DLG1: variants seen among roughly 807,000 people sequenced by gnomAD.
The protein encoded by DLG1 is discs large MAGUK scaffold protein 1.
DLG1 carries 42 observed loss-of-function variants against 123.4 expected under a neutral mutation model. The ratio of observed to expected loss-of-function variants is 0.34; its 90% CI spans 0.27 to 0.44. The LOEUF (loss-of-function observed/expected upper bound fraction) is 0.44, where lower values mean the gene tolerates loss of function less well. Among genes scored for constraint, DLG1 ranks in the 20% least tolerant of loss-of-function variants. The pLI, the probability that DLG1 is intolerant of heterozygous loss-of-function variation, is 1.00. For synonymous variants in DLG1, 317 were observed against 356.2 expected, an observed-to-expected ratio of 0.89 and a Z score of 1.24; for missense variants, 942 against 1,082.6, an observed-to-expected ratio of 0.87 and a Z score of 1.82.
rs750389721 is a variant in DLG1 at position 197,179,659 on chromosome 3, T to C, written c.483+14766A>G. Among the ~76,000 whole-genome samples, 7 of 152,184 alleles carry C rather than the reference T, an allele frequency of 4.6e-5. No individual in the cohort carries two copies. In the East Asian group the frequency reaches 1.3e-3, roughly 29 times the overall value. ...AATGTAGCACTTACTCTGTGTCAGA[T>C]GCTGTCCTAAGTACTTTATTAATAT... On this transcript the variant is annotated intron_variant, in intron 5 of 24. Coordinates refer to ENST00000667157, the MANE Select transcript of DLG1 (RefSeq NM_001366207.1).
intron 3 of DLG1, among the ~76,000 whole-genome samples, chr3:197,286,458 G>C (rs1365507923): frequency 6.6e-6 from 1 of 152,164 alleles, no homozygotes; most frequent in Non-Finnish European, 1.5e-5. Context: ...TTCACGACAG[G>C]GTTCATGCTC....
At chr3:197,120,474 T>C (rs1168092635) in intron 11 of DLG1, among the ~76,000 whole-genome samples, 1 of 152,108 alleles carries the variant, frequency 6.6e-6, no homozygotes, top group Admixed American at 6.5e-5. Context: ...ATTCCAATCA[T>C]TACCAAAACA....
chr3:197,074,635 T>C (rs957007762), intron 18 of DLG1, among the ~76,000 whole-genome samples: 9 of 152,038 alleles, frequency 5.9e-5, no homozygotes, highest in African/African-American at 1.9e-4. Context: ...TCATTGATAA[T>C]TTTCCCCAAA....
At chr3:197,146,132 A>C (rs1244524733) in intron 6 of DLG1, among the ~76,000 whole-genome samples, 3 of 152,144 alleles carry the variant, frequency 2.0e-5, no homozygotes, top group Admixed American at 2.0e-4. Context: ...GAAAACTACA[A>C]AACACTGCTG....
intron 5 of DLG1, among the ~76,000 whole-genome samples, chr3:197,176,197 T>G (rs1350214324): frequency 6.6e-6 from 1 of 152,126 alleles, no homozygotes; most frequent in African/African-American, 2.4e-5. Context: ...ATAGACTTTA[T>G]ATATTTTTTT....
intron 14 of DLG1, among the ~76,000 whole-genome samples, chr3:197,098,907 G>A (rs1217911112): frequency 6.6e-6 from 1 of 152,172 alleles, no homozygotes; most frequent in African/African-American, 2.4e-5. Flanking sequence ...GCATTTTAAA[G>A]TTACTTTTCC....
intron 14 of DLG1, among the ~76,000 whole-genome samples, chr3:197,100,547 G>A (rs1762904291): frequency 6.6e-6 from 1 of 152,052 alleles, no homozygotes. Context: ...TATAATTAAT[G>A]CTTTCTGAAC....
In DLG1 at chr3:197,297,176, A is replaced by G. The variant is rs2151305818; in HGVS notation, c.19+10T>C. On this transcript the variant is annotated intron_variant, in intron 2 of 24. Transcript: ENST00000667157. ...GACATCGACAACAGAGTTACGGAAT[A>G]AACTCTCACCTTGCTTCCGGACCGG... 5 of 1,614,046 alleles carry G rather than the reference A, an allele frequency of 3.1e-6. No homozygotes were observed. The highest frequency in any genetic ancestry group is 1.1e-5 in the South Asian group (1 of 91,080).
rs1778571426 is a variant in DLG1 at position 197,298,526 on chromosome 3, G to A, written c.-32+10C>T. 5 of 398,558 alleles carry A rather than the reference G, an allele frequency of 1.3e-5. No individual in the cohort carries two copies. Among genetic ancestry groups the A allele is most frequent in the Middle Eastern group, 6.2e-4 (1 of 1,610 alleles). The allele number at this position is 398,558 out of a possible 1,614,324, so 24.7% of individuals were successfully genotyped here. A position where few individuals can be genotyped will look rare whatever the true frequency, so the allele number is the denominator to read the frequency against. ...TGACCTCGCCTACACCAGATCCAAG[G>A]CGCACATACCGAGACACCCCTCAAC... On this transcript the variant is annotated intron_variant, in intron 1 of 24. Transcript: ENST00000667157.
chr3:197,277,638 G>A (rs564271320), intron 4 of DLG1, among the ~76,000 whole-genome samples: 62 of 151,282 alleles, frequency 4.1e-4, no homozygotes, highest in South Asian at 2.1e-4. Context: ...ACCAGGCCTG[G>A]CCTCATCTTT....
intron 13 of DLG1, among the ~76,000 whole-genome samples, chr3:197,110,381 C>T (rs1230828546): frequency 6.6e-6 from 1 of 152,130 alleles, no homozygotes; most frequent in Non-Finnish European, 1.5e-5. Flanking sequence ...ATATTTTTTA[C>T]ATGGTGAGAT....
intron 4 of DLG1, among the ~76,000 whole-genome samples, chr3:197,216,035 G>T (rs926954703): frequency 1.3e-5 from 2 of 152,088 alleles, no homozygotes; most frequent in Admixed American, 1.3e-4. Flanking sequence ...AGGGTTCACT[G>T]AACCCAATTC....
chr3:197,286,695 A>C (rs1448873510), intron 3 of DLG1, among the ~76,000 whole-genome samples: 2 of 152,230 alleles, frequency 1.3e-5, no homozygotes, highest in Non-Finnish European at 2.9e-5. Flanking sequence ...GCTAATGACA[A>C]TATATTAATA....
At chr3:197,060,207 G>A (rs1387503696) in intron 22 of DLG1, among the ~76,000 whole-genome samples, 1 of 152,116 alleles carries the variant, frequency 6.6e-6, no homozygotes, top group African/African-American at 2.4e-5. Context: ...TCAAACAAAT[G>A]TTATATTTAA....
rs191106545 is a variant in DLG1 at position 197,059,936 on chromosome 3, A to C, written c.2436T>G (p.Leu812=). The stretch of plus-strand genomic sequence containing the variant: ...GTTTAATAAAAATGGAGATAGGGTA[A>C]AGCTGTGCAATCTGTAATCTCTTTA... ...NAIKRLQIAQ[L]YPISIFIKPK... The change falls in exon 23 of 25, where the codon CTT becomes CTG. Residue 812 remains leucine, a synonymous_variant. Coordinates refer to ENST00000667157, the MANE Select transcript of DLG1 (RefSeq NM_001366207.1). 275 of 1,613,892 alleles carry C rather than the reference A, an allele frequency of 1.7e-4. No homozygotes were observed. The Admixed American group carries it at 3.9e-3, about 23-fold the overall frequency.
chr3:197,128,901 A>T (rs1781126297), intron 11 of DLG1, among the ~76,000 whole-genome samples: 1 of 152,110 alleles, frequency 6.6e-6, no homozygotes, highest in African/African-American at 2.4e-5. Context: ...TCAGTAAACC[A>T]TGCTGTCAAC....
intron 14 of DLG1, among the ~76,000 whole-genome samples, chr3:197,098,291 T>C (rs1761731768): frequency 2.0e-5 from 3 of 152,256 alleles, no homozygotes; most frequent in Admixed American, 1.3e-4. Flanking sequence ...ATAGAAGTCC[T>C]AGTGATTTAA....
At chr3:197,137,360 T>C (rs1414627226) in intron 9 of DLG1, among the ~76,000 whole-genome samples, 1 of 152,206 alleles carries the variant, frequency 6.6e-6, no homozygotes, top group African/African-American at 2.4e-5. Context: ...TTATAAACAC[T>C]TCTTCTTTTA....
rs147972179 is a variant in DLG1, at chr3:197,246,677, CTT to C, written c.318+36000_318+36001del. 7.9e-5 allele frequency among the ~76,000 whole-genome samples: 12 copies of C among 152,250 alleles called. No homozygotes were observed. In the East Asian group the frequency reaches 1.7e-3, roughly 22 times the overall value. The stretch of plus-strand genomic sequence containing the variant: ...GAGTAAGCACCCTGAAAGTCACCCT[CTT>C]GTTTGCGTTAATGAAAAGGTGAAAT... On this transcript the variant is annotated intron_variant, in intron 4 of 24. Transcript: ENST00000667157.
Sources: gnomAD v4.1 joint callset for allele counts (sites outside exome capture counted in the v4.1 genomes callset) on GRCh38, gnomAD v4.1.1 for gene constraint, MANE v1.5 for transcripts, NCBI Gene and HGNC (gene_info 2026-07-23, HGNC 2026-07-21) for gene names.